Variants in MAML3 observed in about 807,000 individuals in gnomAD.
The protein encoded by MAML3 is mastermind like transcriptional coactivator 3, also known as mastermind-like protein 3.
MAML3 carries 27 observed loss-of-function variants against 101.9 expected under a neutral mutation model. The ratio of observed to expected loss-of-function variants is 0.27; its 90% confidence interval spans 0.20 to 0.37. The LOEUF is 0.37. Ranked by LOEUF, MAML3 falls within the 10% of genes least tolerant of loss-of-function variation. MAML3 has a pLI of 1.00. For synonymous variants in MAML3, 501 were observed against 555.9 expected (o/e 0.90, Z 1.39); for missense variants, 1,316 against 1,444.9 (o/e 0.91, Z 1.45).
At chr4:140,152,128 T>C (rs1319916629) in intron 1 of MAML3, among the ~76,000 whole-genome samples, 8 of 151,422 alleles carry the variant, frequency 5.3e-5, no homozygotes, top group African/African-American at 9.7e-5. Context: ...TCCCAGCCGC[T>C]CCACCTGCCG....
chr4:139,980,759 A>G (rs1394664869), intron 1 of MAML3, among the ~76,000 whole-genome samples: 1 of 152,152 alleles, frequency 6.6e-6, no homozygotes, highest in Non-Finnish European at 1.5e-5. Context: ...CTTCCTCTCA[A>G]GGAGCTCGTA....
At chr4:139,851,658 C>T (rs1560813987) in intron 2 of MAML3, among the ~76,000 whole-genome samples, 1 of 152,158 alleles carries the variant, frequency 6.6e-6, no homozygotes, top group Non-Finnish European at 1.5e-5. Context: ...TTGGCTCAGG[C>T]CTTTAAGTGG....
intron 1 of MAML3, among the ~76,000 whole-genome samples, chr4:139,981,565 C>A (rs972515330): frequency 1.3e-5 from 2 of 152,158 alleles, no homozygotes; most frequent in Non-Finnish European, 2.9e-5. Flanking sequence ...AATATTGACA[C>A]ATTATTATTA....
At chr4:139,875,413 A>T (rs1173859334) in intron 2 of MAML3, among the ~76,000 whole-genome samples, 1 of 152,168 alleles carries the variant, frequency 6.6e-6, no homozygotes. Context: ...AGTTTCTCTC[A>T]CTAGACCGCC....
chr4:139,849,444 G>T (rs1411495032), intron 2 of MAML3, among the ~76,000 whole-genome samples: 1 of 152,120 alleles, frequency 6.6e-6, no homozygotes, highest in East Asian at 1.9e-4. Flanking sequence ...AAGAAACACG[G>T]GGCAGAGACA....
At chr4:139,964,343 A>C (rs1388303933) in intron 1 of MAML3, among the ~76,000 whole-genome samples, 1 of 152,188 alleles carries the variant, frequency 6.6e-6, no homozygotes, top group Non-Finnish European at 1.5e-5. Context: ...CAGGAACAAA[A>C]AACCAAACAC....
intron 1 of MAML3, among the ~76,000 whole-genome samples, chr4:140,104,401 A>AATAATT (rs1728311065): frequency 1.3e-5 from 1 of 79,608 alleles, no homozygotes; most frequent in South Asian, 3.2e-4. Flanking sequence ...TATATTATAT[A>AATAATT]ATATATAATA....
intron 1 of MAML3, among the ~76,000 whole-genome samples, chr4:140,105,162 G>A (rs1489867117): frequency 6.6e-6 from 1 of 152,162 alleles, no homozygotes; most frequent in Non-Finnish European, 1.5e-5. Context: ...CCCCCATCAT[G>A]TAACTCAGGC....
intron 1 of MAML3, among the ~76,000 whole-genome samples, chr4:140,035,355 A>G (rs891670221): frequency 1.3e-5 from 2 of 152,208 alleles, no homozygotes; most frequent in East Asian, 3.8e-4. Flanking sequence ...AGTCCTTTCC[A>G]AATCAGATAT....
intron 1 of MAML3, among the ~76,000 whole-genome samples, chr4:140,126,188 A>AG (rs1469474873): frequency 6.6e-6 from 1 of 151,628 alleles, no homozygotes; most frequent in Non-Finnish European, 1.5e-5. Flanking sequence ...AAAAAAAAAA[A>AG]AAAAGGAAGC....
At chr4:139,899,066 G>A (rs1219809331) in intron 1 of MAML3, among the ~76,000 whole-genome samples, 3 of 152,224 alleles carry the variant, frequency 2.0e-5, no homozygotes, top group Non-Finnish European at 4.4e-5. Context: ...CAAGGTGGGG[G>A]CACAGGTATC....
intron 2 of MAML3, among the ~76,000 whole-genome samples, chr4:139,884,616 T>C (rs970194243): frequency 2.0e-5 from 3 of 152,230 alleles, no homozygotes; most frequent in Admixed American, 1.3e-4. Flanking sequence ...TGCTCCATTG[T>C]TTTTTGTTTG....
intron 4 of MAML3, among the ~76,000 whole-genome samples, chr4:139,721,879 T>C (rs1728248994): frequency 6.6e-6 from 1 of 152,222 alleles, no homozygotes; most frequent in South Asian, 2.1e-4. Context: ...TGCAGTTTTG[T>C]GACCTTAACG....
chr4:139,880,525 A>T (rs906664243), intron 2 of MAML3, among the ~76,000 whole-genome samples: 26 of 152,176 alleles, frequency 1.7e-4, no homozygotes, highest in African/African-American at 6.0e-4. Context: ...CTGTTTTCAT[A>T]GTCCTTGAAG....
chr4:139,983,087 T>C (rs1218064577), intron 1 of MAML3, among the ~76,000 whole-genome samples: 3 of 152,244 alleles, frequency 2.0e-5, no homozygotes, highest in East Asian at 1.9e-4. Flanking sequence ...CATTCCTTCT[T>C]GGGATCCTCT....
chr4:139,858,214 C>T (rs1412121935), intron 2 of MAML3, among the ~76,000 whole-genome samples: 1 of 152,216 alleles, frequency 6.6e-6, no homozygotes, highest in African/African-American at 2.4e-5. Context: ...TAAAGTCACA[C>T]AGTAATTGGT....
intron 1 of MAML3, among the ~76,000 whole-genome samples, chr4:139,899,892 T>C (rs1732682553): frequency 3.3e-5 from 5 of 152,214 alleles, no homozygotes; most frequent in Middle Eastern, 3.4e-3. Context: ...ACCTGTTCAG[T>C]GGGAAATGCT....
rs563628141 is a variant in MAML3, at chr4:139,903,584, C to T, written c.469-12617G>A. ...ACTTCATACGTTGAAGTCCTAACTC[C>T]CAGTATCTCAGAATGTGACTACATT... is the stretch of plus-strand genomic sequence containing the variant. On this transcript the variant is annotated intron_variant, in intron 1 of 4. Transcript: ENST00000509479. Among the ~76,000 whole-genome samples, 8 of 152,240 alleles carry T rather than the reference C, an allele frequency of 5.3e-5. No individual in the cohort carries two copies. In the South Asian group the frequency reaches 1.5e-3, roughly 28 times the overall value.
At chr4:139,891,561 A>G (rs1467789812) in intron 1 of MAML3, among the ~76,000 whole-genome samples, 1 of 152,232 alleles carries the variant, frequency 6.6e-6, no homozygotes, top group African/African-American at 2.4e-5. Flanking sequence ...TACAAGTGTG[A>G]GCCACCATGA....
Sources: gnomAD v4.1 joint callset for allele counts (sites outside exome capture counted in the v4.1 genomes callset) on GRCh38, gnomAD v4.1.1 for gene constraint, MANE v1.5 for transcripts, NCBI Gene and HGNC (gene_info 2026-07-23, HGNC 2026-07-21) for gene names.